BTD: variants seen among roughly 807,000 people sequenced by gnomAD.
The protein encoded by BTD is biocytinase.
Under a neutral mutation model 17.7 loss-of-function variants are expected in BTD, and 13 were observed. The ratio of observed to expected loss-of-function variants is 0.74; its 90% CI spans 0.48 to 1.17. The LOEUF (loss-of-function observed/expected upper bound fraction) is 1.17, where lower values mean the gene tolerates loss of function less well. Ranked by LOEUF, BTD falls within the 50% of genes most tolerant of loss-of-function variation. The pLI, the probability that BTD is intolerant of heterozygous loss-of-function variation, is 0.00. For missense variants in BTD, 674 were observed against 650.4 expected (o/e 1.04, Z -0.39); for synonymous variants, 240 against 245.2 (o/e 0.98, Z 0.20).
At chr3:15,603,754 C>T (rs1466664857) in intron 1 of BTD, among the ~76,000 whole-genome samples, 11 of 152,210 alleles carry the variant, frequency 7.2e-5, no homozygotes, top group Non-Finnish European at 1.3e-4. Flanking sequence ...TAAATATACC[C>T]GTTCCAAATG....
downstream of BTD, among the ~76,000 whole-genome samples, chr3:15,657,535 T>C (rs573492280): frequency 6.6e-6 from 1 of 152,388 alleles, no homozygotes; most frequent in African/African-American, 2.4e-5. Flanking sequence ...AAGCAGTTTG[T>C]ACATGGGAAA....
intron 3 of BTD, among the ~76,000 whole-genome samples, chr3:15,688,207 C>G (rs1976479): frequency 0.47 from 70,875 of 152,086 alleles, 19,399 homozygotes; most frequent in Non-Finnish European, 0.6. Context: ...TGCATATGAT[C>G]TGCAATTATA....
Position 15,643,223 on chromosome 3 carries a change from G to A in BTD, c.400-1093G>A, listed in dbSNP as rs193030837. Among the ~76,000 whole-genome samples, 416 of 152,220 alleles carry A rather than the reference G, an allele frequency of 2.7e-3. 1 individual carries two copies. Among genetic ancestry groups the A allele is most frequent in the African/African-American group, 9.7e-3 (402 of 41,508 alleles). ...CAAGATAGAATAATCTTTTGAGCCT[G>A]GGCACAGTGCTTCACATCTGTAATC... On this transcript the variant is annotated intron_variant, in intron 3 of 3. Transcript: ENST00000643237.
chr3:15,624,181 C>CT (rs1257567851), intron 1 of BTD, among the ~76,000 whole-genome samples: 2 of 152,038 alleles, frequency 1.3e-5, no homozygotes, highest in African/African-American at 4.8e-5. Context: ...TATGATTTGC[C>CT]TACATGTAGA....
At chr3:15,661,199 G>A (rs932228741) in intron 3 of BTD, among the ~76,000 whole-genome samples, 12 of 148,316 alleles carry the variant, frequency 8.1e-5, no homozygotes, top group African/African-American at 3.0e-4. Flanking sequence ...CCGGGAGGTG[G>A]AGACTGCAGT....
At chr3:15,642,361 A>C in intron 3 of BTD, 1 of 916,566 alleles carries the variant, frequency 1.1e-6, no homozygotes, top group Non-Finnish European at 1.6e-6. Flanking sequence ...CCTGCACCTC[A>C]TCCCATGCCC....
chr3:15,610,828 A>G (rs530326263), intron 1 of BTD, among the ~76,000 whole-genome samples: 8 of 152,292 alleles, frequency 5.3e-5, no homozygotes, highest in African/African-American at 1.9e-4. Context: ...TTAATGGACA[A>G]GACTAAACTA....
In BTD at chr3:15,649,965, A is replaced by G. The variant is rs1224298490; in HGVS notation, c.*4477A>G. Among the ~76,000 whole-genome samples, 1 of 152,244 alleles carries G rather than the reference A, an allele frequency of 6.6e-6. No individual in the cohort carries two copies. Among genetic ancestry groups the G allele is most frequent in the Non-Finnish European group, 1.5e-5 (1 of 68,038 alleles). On this transcript the variant is annotated 3_prime_UTR_variant, in exon 4 of 4. Transcript: ENST00000643237. Reference sequence around the variant, plus strand: ...GCTACAGCTATTTTACAGATGGGGAAAACTGACAGAGAGATATTAATGAAT... The same window carrying G: ...GCTACAGCTATTTTACAGATGGGGAGAACTGACAGAGAGATATTAATGAAT...
chr3:15,651,071 G>A lies in BTD; in HGVS notation c.*5583G>A, dbSNP rs1269744411. On this transcript the variant is annotated 3_prime_UTR_variant, in exon 4 of 4. Transcript: ENST00000643237. ...GCGTGAGCCACCGTACCCGGCCAGG[G>A]CTGTGATATTCTGATCAGCCAGCAC... Among the ~76,000 whole-genome samples, 1 of 152,036 alleles carries A rather than the reference G, an allele frequency of 6.6e-6. No individual in the cohort carries two copies. The highest frequency in any genetic ancestry group is 1.5e-5 in the Non-Finnish European group (1 of 67,960).
At chr3:15,668,369 C>G in intron 3 of BTD, 1 of 146,022 alleles carries the variant, frequency 6.8e-6, no homozygotes, top group East Asian at 2.0e-4. Flanking sequence ...TTTTTTTTTT[C>G]AAAAGGTACA....
At chr3:15,666,640 T>C (rs1047818462) in intron 3 of BTD, among the ~76,000 whole-genome samples, 1 of 152,164 alleles carries the variant, frequency 6.6e-6, no homozygotes, top group Non-Finnish European at 1.5e-5. Flanking sequence ...TTCTCACTTC[T>C]ATTATCTAAT....
intron 3 of BTD, among the ~76,000 whole-genome samples, chr3:15,706,110 T>C (rs963912234): frequency 5.3e-5 from 8 of 152,100 alleles, no homozygotes; most frequent in African/African-American, 1.9e-4. Context: ...TTTATTGTTA[T>C]ACTTTGTTCT....
intron 1 of BTD, among the ~76,000 whole-genome samples, chr3:15,612,751 A>G (rs192517302): frequency 2.1e-3 from 314 of 150,754 alleles, no homozygotes; most frequent in Non-Finnish European, 3.2e-3. Flanking sequence ...CCTACGACCT[A>G]TTCAGCAGCT....
chr3:15,721,934 G>T (rs1266000518), exon 5 of BTD, among the ~76,000 whole-genome samples: 1 of 152,054 alleles, frequency 6.6e-6, no homozygotes, highest in African/African-American at 2.4e-5. Context: ...TAGTAGAGAC[G>T]GGGTGTCACC....
exon 4 of BTD, chr3:15,712,209 C>G (rs780621774): frequency 6.3e-7 from 1 of 1,581,270 alleles, no homozygotes; most frequent in Non-Finnish European, 8.6e-7. Context: ...GGGAACATTC[C>G]ATGTATGCCA....
intron 1 of BTD, among the ~76,000 whole-genome samples, chr3:15,616,941 T>C (rs2064810523): frequency 6.6e-6 from 1 of 152,162 alleles, no homozygotes; most frequent in African/African-American, 2.4e-5. Context: ...AAAGCAATTC[T>C]CCTGCCTCAG....
At chr3:15,709,614 A>G in intron 3 of BTD, 5 of 1,251,840 alleles carry the variant, frequency 4.0e-6, no homozygotes, top group Non-Finnish European at 4.5e-6. Flanking sequence ...TTAGAAGGTC[A>G]ATCAAGTTAT....
intron 1 of BTD, among the ~76,000 whole-genome samples, chr3:15,616,617 CA>C (rs74719021): frequency 0.26 from 38,088 of 146,018 alleles, 4,923 homozygotes; most frequent in African/African-American, 0.27. Flanking sequence ...ACTTCATCTT[CA>C]AAAAAAAAAA....
rs1367401227 is a variant in BTD, at chr3:15,650,271, T to G, written c.*4783T>G. On this transcript the variant is annotated 3_prime_UTR_variant, in exon 4 of 4. Coordinates refer to ENST00000643237, the MANE Select transcript of BTD (RefSeq NM_001370658.1). ...TTCCGTTTGGAAAGTTTTTTTATTT[T>G]TGTGTTCAGTACTGAAGTAAAACAA... is the stretch of plus-strand genomic sequence containing the variant. Among the ~76,000 whole-genome samples the G allele has an allele frequency of 3.3e-5, 5 of 152,236 alleles. No homozygotes were observed. The highest frequency in any genetic ancestry group is 7.3e-5 in the Non-Finnish European group (5 of 68,044).
Sources: gnomAD v4.1 joint callset for allele counts (sites outside exome capture counted in the v4.1 genomes callset) on GRCh38, gnomAD v4.1.1 for gene constraint, MANE v1.5 for transcripts, NCBI Gene and HGNC (gene_info 2026-07-23, HGNC 2026-07-21) for gene names.